The following PACS1 variants were observed in gnomAD, a reference collection of about 807,000 sequenced individuals.
PACS1 encodes the protein PACS-1.
A neutral mutation model predicts 115.0 loss-of-function variants in PACS1; 24 were observed. The ratio of observed to expected loss-of-function variants is 0.21; its 90% CI spans 0.15 to 0.29. The LOEUF is 0.29. Ranked by LOEUF, PACS1 falls within the 10% of genes least tolerant of loss-of-function variation. PACS1 has a pLI of 1.00. For synonymous variants in PACS1, 453 were observed against 504.5 expected, an observed-to-expected ratio of 0.90 and a Z score of 1.37; for missense variants, 838 against 1,251.2, an observed-to-expected ratio of 0.67 and a Z score of 4.98.
chr11:66,227,530 T>G lies in PACS1; in HGVS notation c.1320T>G (p.Ile440Met). The G allele has an allele frequency of 6.2e-7, 1 of 1,610,626 alleles. No individual in the cohort carries two copies. The highest frequency in any genetic ancestry group is 8.5e-7 in the Non-Finnish European group (1 of 1,177,444). ...TGGAATTGGCTGCTCTAGAAAAAAT[T>G]AAATCTACTTGGATTAAAAACCAAG... ...SPMELAALEK[I>M]KSTWIKNQDD... The change falls in exon 11 of 24, where the codon ATT becomes ATG. Residue 440 changes from isoleucine to methionine, a missense_variant. Physicochemically the swap from Ile to Met is conservative, Grantham distance 10. Coordinates refer to ENST00000320580, the MANE Select transcript of PACS1 (RefSeq NM_018026.4).
chr11:66,151,363 A>G (rs1034064878), intron 1 of PACS1, among the ~76,000 whole-genome samples: 14 of 152,104 alleles, frequency 9.2e-5, no homozygotes, highest in Admixed American at 7.2e-4. Flanking sequence ...AGACCCTAAT[A>G]TTGCCCAAGC....
chr11:66,146,871 A>G lies in PACS1; in HGVS notation c.357-46615A>G, dbSNP rs189805449. 6.0e-3 allele frequency among the ~76,000 whole-genome samples: 916 copies of G among 152,290 alleles called. 8 individuals carry two copies. The highest frequency in any genetic ancestry group is 0.021 in the African/African-American group (852 of 41,556). On this transcript the variant is annotated intron_variant, in intron 1 of 23. Coordinates refer to ENST00000320580, the MANE Select transcript of PACS1 (RefSeq NM_018026.4). ...GGAGTTCGAGACCAGCCTGGCCAAC[A>G]TGGTGAAACCCCCGTCTCTACTAAA...
Position 66,112,416 on chromosome 11 carries a change from G to A in PACS1, c.356+41574G>A, listed in dbSNP as rs533332884. On this transcript the variant is annotated intron_variant, in intron 1 of 23. Coordinates refer to ENST00000320580, the MANE Select transcript of PACS1 (RefSeq NM_018026.4). ...TGTCAGAAGGTTACATGGCTGTCCC[G>A]TTGGTGTCATTCAGGTCTCACTCAG... is the stretch of plus-strand genomic sequence containing the variant. Among the ~76,000 whole-genome samples, 9 of 152,328 alleles carry A rather than the reference G, an allele frequency of 5.9e-5. No homozygotes were observed. In the South Asian group the frequency reaches 1.7e-3, roughly 28 times the overall value.
chr11:66,119,739 G>A (rs2134559436), intron 1 of PACS1, among the ~76,000 whole-genome samples: 1 of 152,358 alleles, frequency 6.6e-6, no homozygotes, highest in East Asian at 1.9e-4. Context: ...TATCTGGTGT[G>A]AGTCAGAATG....
intron 14 of PACS1, 40 bp downstream of exon 14, chr11:66,232,316 G>T: frequency 8.5e-7 from 1 of 1,172,944 alleles, no homozygotes; most frequent in Non-Finnish European, 1.3e-6. Context: ...GGTCCTGGAG[G>T]GCAGGCAATG....
At chr11:66,097,938 G>C (rs1303023311) in intron 1 of PACS1, among the ~76,000 whole-genome samples, 1 of 152,186 alleles carries the variant, frequency 6.6e-6, no homozygotes, top group Non-Finnish European at 1.5e-5. Flanking sequence ...CGGCACTTTG[G>C]GGGCCAAGGT....
At chr11:66,074,277 A>G (rs1036683722) in intron 1 of PACS1, among the ~76,000 whole-genome samples, 2 of 152,142 alleles carry the variant, frequency 1.3e-5, no homozygotes, top group African/African-American at 2.4e-5. Context: ...ATGAAATTCA[A>G]GCTTTAGAAG....
At chr11:66,136,447 C>T (rs1016550387) in intron 1 of PACS1, among the ~76,000 whole-genome samples, 1 of 151,956 alleles carries the variant, frequency 6.6e-6, no homozygotes, top group Non-Finnish European at 1.5e-5. Context: ...CCAGAGAACA[C>T]CCTACTTAGA....
intron 1 of PACS1, 41 bp from the exon 2 acceptor site, chr11:66,193,445 T>C: frequency 1.4e-6 from 2 of 1,387,698 alleles, no homozygotes; most frequent in Non-Finnish European, 2.1e-6. Flanking sequence ...TTCTCGCAAG[T>C]TCCTCGCATA....
intron 1 of PACS1, among the ~76,000 whole-genome samples, chr11:66,095,753 C>T (rs1006572997): frequency 2.8e-4 from 43 of 152,018 alleles, no homozygotes; most frequent in Admixed American, 1.6e-3. Flanking sequence ...CCACCACGCC[C>T]GGCCTCATTA....
intron 1 of PACS1, among the ~76,000 whole-genome samples, chr11:66,177,921 T>G (rs569178987): frequency 6.6e-6 from 1 of 152,306 alleles, no homozygotes; most frequent in South Asian, 2.1e-4. Flanking sequence ...TATTCAACAA[T>G]TAGCACAATA....
chr11:66,238,604 G>A (rs567129887), intron 19 of PACS1, 200 bp from the exon 20 acceptor site: 7 of 559,566 alleles, frequency 1.3e-5, no homozygotes, highest in South Asian at 6.4e-5. Flanking sequence ...AGGTTCAAGC[G>A]ATTCTCCTAT....
intron 1 of PACS1, among the ~76,000 whole-genome samples, chr11:66,133,995 A>G (rs2134581915): frequency 6.6e-6 from 1 of 152,216 alleles, no homozygotes; most frequent in East Asian, 1.9e-4. Flanking sequence ...TATATACCCC[A>G]TGTTTATTCT....
At chr11:66,094,710 TCCTGATA>T (rs1196638487) in intron 1 of PACS1, among the ~76,000 whole-genome samples, 8 of 152,066 alleles carry the variant, frequency 5.3e-5, no homozygotes, top group Admixed American at 5.2e-4. Context: ...GCCAGCATCA[TCCTGATA>T]CCAAAGCCGG....
chr11:66,218,571 T>C (rs1221970285), intron 7 of PACS1: 2 of 152,132 alleles, frequency 1.3e-5, no homozygotes, highest in Non-Finnish European at 1.5e-5. Context: ...ATACCCTATA[T>C]AAAGACCCAG....
chr11:66,178,650 G>T (rs1038336489), intron 1 of PACS1, among the ~76,000 whole-genome samples: 2 of 151,814 alleles, frequency 1.3e-5, no homozygotes, highest in African/African-American at 4.8e-5. Flanking sequence ...AAATAAAAAT[G>T]GATGTTTTTA....
intron 8 of PACS1, 162 bp from the exon 9 acceptor site, chr11:66,220,469 G>C: frequency 1.5e-6 from 1 of 667,956 alleles, no homozygotes; most frequent in East Asian, 2.8e-5. Context: ...CCGCCCTCAG[G>C]CTGGATCATG....
At chr11:66,230,354 G>C (rs1855563403) in intron 11 of PACS1, 194 bp from the exon 12 acceptor site, 1 of 590,654 alleles carries the variant, frequency 1.7e-6, no homozygotes, top group Non-Finnish European at 3.0e-6. Flanking sequence ...CCCACACGGG[G>C]TGTACTCAGT....
At chr11:66,096,200 T>G (rs974371355) in intron 1 of PACS1, among the ~76,000 whole-genome samples, 2 of 140,660 alleles carry the variant, frequency 1.4e-5, no homozygotes, top group African/African-American at 5.3e-5. Context: ...TCTTTTTATC[T>G]TTTTCTTTCT....
Sources: gnomAD v4.1 joint callset for allele counts (sites outside exome capture counted in the v4.1 genomes callset) on GRCh38, gnomAD v4.1.1 for gene constraint, MANE v1.5 for transcripts, NCBI Gene and HGNC (gene_info 2026-07-23, HGNC 2026-07-21) for gene names.